The following COL19A1 variants were observed in gnomAD, a reference collection of about 807,000 sequenced individuals.
The protein encoded by COL19A1 is collagen type XIX alpha 1 chain.
Under a neutral mutation model 190.2 loss-of-function variants are expected in COL19A1, and 159 were observed. The observed-to-expected ratio is 0.84, with a 90% CI of 0.73 to 0.95. COL19A1 has a LOEUF of 0.95. Ranked by LOEUF, COL19A1 falls within the 40% of genes least tolerant of loss-of-function variation. The pLI, the probability that COL19A1 is intolerant of heterozygous loss-of-function variation, is 0.00. For synonymous variants in COL19A1, 509 were observed against 458.9 expected (o/e 1.11, Z -1.39); for missense variants, 1,418 against 1,431.9 (o/e 0.99, Z 0.16).
At chr6:69,978,017 C>T (rs1482803436) in intron 11 of COL19A1, among the ~76,000 whole-genome samples, 1 of 152,130 alleles carries the variant, frequency 6.6e-6, no homozygotes, top group Non-Finnish European at 1.5e-5. Context: ...TGATCTTGCT[C>T]CTCAAATTGT....
intron 4 of COL19A1, among the ~76,000 whole-genome samples, chr6:69,921,309 TATATC>T (rs1156541133): frequency 7.5e-6 from 1 of 133,138 alleles, no homozygotes; most frequent in Non-Finnish European, 1.5e-5. Flanking sequence ...TCATATATCA[TATATC>T]ATATAATCAT....
chr6:69,959,378 C>A (rs1774631883), intron 9 of COL19A1, among the ~76,000 whole-genome samples: 1 of 152,034 alleles, frequency 6.6e-6, no homozygotes, highest in Non-Finnish European at 1.5e-5. Flanking sequence ...TACACACACA[C>A]ACACACATAT....
At chr6:70,166,119 C>T in intron 37 of COL19A1, 134 bp downstream of exon 37, 1 of 798,650 alleles carries the variant, frequency 1.3e-6, no homozygotes, top group African/African-American at 1.7e-5. Context: ...TAAATGATAG[C>T]CAATGTAGCT....
chr6:69,954,865 A>G (rs972406472), intron 9 of COL19A1, among the ~76,000 whole-genome samples: 2 of 152,110 alleles, frequency 1.3e-5, no homozygotes, highest in African/African-American at 4.8e-5. Flanking sequence ...AGTAATTGAT[A>G]TGGAATAGAA....
At chr6:69,925,845 G>A (rs983640533) in intron 4 of COL19A1, among the ~76,000 whole-genome samples, 6 of 152,144 alleles carry the variant, frequency 3.9e-5, no homozygotes, top group African/African-American at 1.4e-4. Flanking sequence ...TCTCTTTGAA[G>A]TAATTGCAAA....
At chr6:69,927,025 A>G (rs534099929) in intron 4 of COL19A1, among the ~76,000 whole-genome samples, 3 of 152,294 alleles carry the variant, frequency 2.0e-5, no homozygotes, top group East Asian at 1.9e-4. Context: ...CAGCAAAACT[A>G]TCCTTCAAAA....
At chr6:69,973,622 A>G (rs1194653954) in intron 11 of COL19A1, among the ~76,000 whole-genome samples, 2 of 103,788 alleles carry the variant, frequency 1.9e-5, no homozygotes, top group Non-Finnish European at 4.5e-5. Context: ...GTTTTTTTAA[A>G]TTAAGAAAAA....
intron 40 of COL19A1, among the ~76,000 whole-genome samples, chr6:70,170,212 C>T (rs1331167041): frequency 6.6e-6 from 1 of 152,158 alleles, no homozygotes; most frequent in African/African-American, 2.4e-5. Context: ...TTTGAAGTTA[C>T]TCTTTTGGGT....
intron 9 of COL19A1, among the ~76,000 whole-genome samples, chr6:69,941,909 C>T (rs1223007001): frequency 7.9e-5 from 12 of 152,036 alleles, no homozygotes; most frequent in Non-Finnish European, 1.3e-4. Flanking sequence ...AGGCTGGTCT[C>T]GAACTCCTGA....
At chr6:70,149,255 GA>G (rs886959113) in intron 27 of COL19A1, among the ~76,000 whole-genome samples, 5 of 150,874 alleles carry the variant, frequency 3.3e-5, no homozygotes, top group Admixed American at 6.6e-5. Context: ...TCTAAAAGTA[GA>G]AAAAAAAATC....
intron 12 of COL19A1, among the ~76,000 whole-genome samples, chr6:70,032,625 A>G (rs538648303): frequency 6.6e-6 from 1 of 152,130 alleles, no homozygotes; most frequent in Non-Finnish European, 1.5e-5. Flanking sequence ...ATTATTAGTG[A>G]GATATTTTAC....
Position 70,149,911 on chromosome 6 carries a change from A to T in COL19A1, c.1983+7A>T, listed in dbSNP as rs760974560. 15 of 1,613,592 alleles carry T rather than the reference A, an allele frequency of 9.3e-6. No homozygotes were observed. The African/African-American group carries it at 1.3e-4, about 14-fold the overall frequency. On this transcript the variant is annotated splice_region_variant and intron_variant, in intron 29 of 50. Coordinates refer to ENST00000620364, the MANE Select transcript of COL19A1 (RefSeq NM_001858.6). ...AGGGACTCCAGGGAATGATGTAAGG[A>T]CTTTCTTTATCTACCCTCCCCCATT...
intron 14 of COL19A1, among the ~76,000 whole-genome samples, chr6:70,040,007 C>T (rs572690756): frequency 6.6e-6 from 1 of 152,024 alleles, no homozygotes; most frequent in South Asian, 2.1e-4. Context: ...CTCAAGTGAT[C>T]CTCCTCCCTT....
At chr6:70,095,494 G>C (rs897221613) in intron 15 of COL19A1, among the ~76,000 whole-genome samples, 3 of 152,080 alleles carry the variant, frequency 2.0e-5, no homozygotes, top group Admixed American at 6.6e-5. Context: ...CCATGTACTG[G>C]ACATTTTGGT....
chr6:70,137,874 T>G, intron 19 of COL19A1, 127 bp downstream of exon 19: 2 of 795,172 alleles, frequency 2.5e-6, no homozygotes, highest in South Asian at 3.3e-5. Flanking sequence ...AGATCAGATC[T>G]TCAAGCAAGT....
chr6:70,086,775 C>T (rs1782615932), intron 15 of COL19A1, among the ~76,000 whole-genome samples: 1 of 151,872 alleles, frequency 6.6e-6, no homozygotes, highest in Non-Finnish European at 1.5e-5. Context: ...TGCGATCACA[C>T]TTTTTCTCAT....
chr6:69,880,721 AT>A (rs1167118143), intron 2 of COL19A1, among the ~76,000 whole-genome samples: 5 of 152,234 alleles, frequency 3.3e-5, no homozygotes, highest in African/African-American at 1.2e-4. Flanking sequence ...TACAAAAGAC[AT>A]CCTGTGGCTG....
Position 69,938,149 on chromosome 6 carries a change from A to G in COL19A1, c.936+49A>G. ...GGAGAAAACAGGGTTTTGTTAAAAA[A>G]TGACTTAAAAATGTGTTCATCTCAT... is the stretch of plus-strand genomic sequence containing the variant. On this transcript the variant is annotated intron_variant, in intron 9 of 50. Transcript: ENST00000620364. 3.9e-6 allele frequency: 6 copies of G among 1,557,638 alleles called. No homozygotes were observed. The African/African-American group carries it at 5.5e-5, about 14-fold the overall frequency.
chr6:70,053,802 A>C (rs1428243302), intron 14 of COL19A1, among the ~76,000 whole-genome samples: 1 of 152,232 alleles, frequency 6.6e-6, no homozygotes, highest in Non-Finnish European at 1.5e-5. Context: ...ATTGTGAATA[A>C]ATAAACAATG....
Sources: gnomAD v4.1 joint callset for allele counts (sites outside exome capture counted in the v4.1 genomes callset) on GRCh38, gnomAD v4.1.1 for gene constraint, MANE v1.5 for transcripts, NCBI Gene and HGNC (gene_info 2026-07-23, HGNC 2026-07-21) for gene names.